Variants in CADM2 observed in about 807,000 individuals in gnomAD.
The protein encoded by CADM2 is cell adhesion molecule 2.
A neutral mutation model predicts 49.8 loss-of-function variants in CADM2; 12 were observed. That is an observed-to-expected ratio of 0.24 (90% confidence interval 0.15 to 0.39). The LOEUF is 0.39. Among genes scored for constraint, CADM2 ranks in the 10% least tolerant of loss-of-function variants. CADM2 has a pLI of 1.00. For synonymous variants in CADM2, 214 were observed against 175.4 expected (o/e 1.22, Z -1.74); for missense variants, 378 against 492.3 (o/e 0.77, Z 2.20).
At chr3:85,936,551 G>T (rs1177765166) in intron 7 of CADM2, among the ~76,000 whole-genome samples, 1 of 151,534 alleles carries the variant, frequency 6.6e-6, no homozygotes, top group African/African-American at 2.4e-5. Flanking sequence ...GAACACTCTA[G>T]GCCTAGCTTT....
chr3:85,440,703 G>A lies in CADM2; in HGVS notation c.62-285819G>A, dbSNP rs1392025375. Among the ~76,000 whole-genome samples the A allele has an allele frequency of 2.0e-5, 3 of 150,326 alleles. 1 individual carries two copies. Among genetic ancestry groups the A allele is most frequent in the East Asian group, 3.9e-4 (2 of 5,134 alleles). On this transcript the variant is annotated intron_variant, in intron 1 of 9. Coordinates refer to ENST00000383699, the MANE Select transcript of CADM2 (RefSeq NM_001167675.2). The stretch of plus-strand genomic sequence containing the variant: ...CATTGTATAACATTGTTTAAAAATG[G>A]CAATTATCATGGCTCACGTCTGTAA...
At chr3:85,056,784 G>C (rs772507965) in intron 1 of CADM2, among the ~76,000 whole-genome samples, 11 of 151,972 alleles carry the variant, frequency 7.2e-5, no homozygotes, top group Non-Finnish European at 1.5e-4. Flanking sequence ...TAACACAATA[G>C]TCATAAATGC....
intron 1 of CADM2, among the ~76,000 whole-genome samples, chr3:85,265,977 A>C (rs1003234966): frequency 2.0e-5 from 3 of 151,890 alleles, no homozygotes; most frequent in African/African-American, 4.8e-5. Flanking sequence ...TTCTACCTTA[A>C]TAGAGCCAAA....
At chr3:85,939,072 C>G (rs997673445) in intron 7 of CADM2, among the ~76,000 whole-genome samples, 3 of 152,000 alleles carry the variant, frequency 2.0e-5, no homozygotes, top group Non-Finnish European at 4.4e-5. Context: ...TCAAGTTGCA[C>G]TGAGCCTGGT....
chr3:85,968,545 C>A (rs1228131377), intron 8 of CADM2, among the ~76,000 whole-genome samples: 1 of 151,492 alleles, frequency 6.6e-6, no homozygotes, highest in African/African-American at 2.4e-5. Flanking sequence ...TAGGAAAAAA[C>A]CGTCATTCCT....
chr3:85,808,339 TAA>T (rs764065943), intron 3 of CADM2, among the ~76,000 whole-genome samples: 1 of 152,164 alleles, frequency 6.6e-6, no homozygotes, highest in Non-Finnish European at 1.5e-5. Flanking sequence ...ACCTCTGTTA[TAA>T]ATAGTTGATA....
intron 1 of CADM2, among the ~76,000 whole-genome samples, chr3:85,254,540 C>T (rs1421198201): frequency 6.6e-6 from 1 of 152,056 alleles, no homozygotes; most frequent in African/African-American, 2.4e-5. Flanking sequence ...AGTCCTGAGT[C>T]ACCAGGAATC....
chr3:85,524,950 T>C (rs1383045126), intron 1 of CADM2, among the ~76,000 whole-genome samples: 3 of 152,106 alleles, frequency 2.0e-5, no homozygotes, highest in Non-Finnish European at 4.4e-5. Context: ...GATATTGATA[T>C]AGTTACTTCA....
chr3:85,421,456 A>C (rs564059470), intron 1 of CADM2, among the ~76,000 whole-genome samples: 1 of 152,328 alleles, frequency 6.6e-6, no homozygotes, highest in Non-Finnish European at 1.5e-5. Context: ...CAGAAGAATC[A>C]GTTTTCAAAG....
intron 9 of CADM2, among the ~76,000 whole-genome samples, chr3:86,066,250 TTGA>T (rs1236027156): frequency 7.1e-6 from 1 of 141,194 alleles, no homozygotes; most frequent in Non-Finnish European, 1.5e-5. Flanking sequence ...GGAGAATTGC[TTGA>T]ACCCGGGAGG....
rs565178657 is a variant in CADM2, at chr3:85,990,187, C to T, written c.970+28540C>T. Among the ~76,000 whole-genome samples, 334 of 152,100 alleles carry T rather than the reference C, an allele frequency of 2.2e-3. 1 individual carries two copies. Among genetic ancestry groups the T allele is most frequent in the African/African-American group, 7.6e-3 (317 of 41,506 alleles). ...TTCACGATGGCACAAAAGTGATACACGTCAGTAGAATCCATACTTTGAGTA... is the reference window on the plus strand; with the variant it reads ...TTCACGATGGCACAAAAGTGATACATGTCAGTAGAATCCATACTTTGAGTA... On this transcript the variant is annotated intron_variant, in intron 8 of 9. Transcript: ENST00000383699.
At chr3:85,204,348 T>C (rs1383153308) in intron 1 of CADM2, among the ~76,000 whole-genome samples, 2 of 152,196 alleles carry the variant, frequency 1.3e-5, no homozygotes, top group African/African-American at 4.8e-5. Flanking sequence ...TACTTAATAA[T>C]ATGTACCTTG....
chr3:85,992,957 T>G (rs1299670619), intron 8 of CADM2: 1 of 152,210 alleles, frequency 6.6e-6, no homozygotes, highest in African/African-American at 2.4e-5. Context: ...AGAACTGCTT[T>G]AAAAATTAAA....
chr3:85,464,902 C>A (rs1238611790), intron 1 of CADM2, among the ~76,000 whole-genome samples: 1 of 152,160 alleles, frequency 6.6e-6, no homozygotes, highest in Admixed American at 6.5e-5. Flanking sequence ...GTAATCTCAG[C>A]ACTTTGGGAG....
At chr3:85,690,685 G>T (rs562139032) in intron 1 of CADM2, among the ~76,000 whole-genome samples, 75 of 152,218 alleles carry the variant, frequency 4.9e-4, no homozygotes, top group African/African-American at 1.7e-3. Context: ...TTAGTAGATA[G>T]TACACCAGAT....
At chr3:85,021,680 C>G (rs2107294202) in intron 1 of CADM2, among the ~76,000 whole-genome samples, 1 of 152,166 alleles carries the variant, frequency 6.6e-6, no homozygotes, top group South Asian at 2.1e-4. Context: ...GAGGCTGAGG[C>G]AGGAGAATCG....
At chr3:85,671,509 G>T (rs2065734674) in intron 1 of CADM2, among the ~76,000 whole-genome samples, 1 of 152,168 alleles carries the variant, frequency 6.6e-6, no homozygotes, top group Non-Finnish European at 1.5e-5. Context: ...TAGCTGCCAA[G>T]TGACTGAAGT....
At chr3:85,090,491 A>T (rs1299870994) in intron 1 of CADM2, among the ~76,000 whole-genome samples, 1 of 152,210 alleles carries the variant, frequency 6.6e-6, no homozygotes, top group African/African-American at 2.4e-5. Context: ...ACTAATAATA[A>T]TAACAGAATA....
chr3:85,348,983 A>G (rs2031061658), intron 1 of CADM2, among the ~76,000 whole-genome samples: 3 of 152,216 alleles, frequency 2.0e-5, no homozygotes, highest in African/African-American at 7.2e-5. Context: ...ACATATGAGT[A>G]GTATGAAAAC....
Sources: gnomAD v4.1 joint callset for allele counts (sites outside exome capture counted in the v4.1 genomes callset) on GRCh38, gnomAD v4.1.1 for gene constraint, MANE v1.5 for transcripts, NCBI Gene and HGNC (gene_info 2026-07-23, HGNC 2026-07-21) for gene names.